TCERG1L: variants seen among roughly 807,000 people sequenced by gnomAD.
TCERG1L encodes the protein transcription elongation regulator 1 like.
TCERG1L carries 37 observed loss-of-function variants against 56.3 expected under a neutral mutation model. The ratio of observed to expected loss-of-function variants is 0.66; its 90% CI spans 0.51 to 0.87. TCERG1L has a LOEUF of 0.87. TCERG1L is among the 40% of genes least tolerant of loss of function. The pLI is 0.00. For synonymous variants in TCERG1L, 324 were observed against 326.3 expected, an observed-to-expected ratio of 0.99 and a Z score of 0.08; for missense variants, 799 against 774.2, an observed-to-expected ratio of 1.03 and a Z score of -0.38.
intron 4 of TCERG1L, among the ~76,000 whole-genome samples, chr10:131,204,767 C>T (rs1406594081): frequency 6.6e-6 from 1 of 152,250 alleles, no homozygotes; most frequent in Non-Finnish European, 1.5e-5. Flanking sequence ...GTGGACTTGT[C>T]CCTCAGCCCC....
At chr10:131,252,007 C>T (rs1002166335) in intron 4 of TCERG1L, among the ~76,000 whole-genome samples, 3 of 152,190 alleles carry the variant, frequency 2.0e-5, no homozygotes, top group Admixed American at 6.5e-5. Context: ...TGGGGGACCT[C>T]GGATAAGTGG....
Position 131,137,249 on chromosome 10 carries a change from C to T in TCERG1L, c.1190-2801G>A, listed in dbSNP as rs560578084. Among the ~76,000 whole-genome samples, 9 of 152,048 alleles carry T rather than the reference C, an allele frequency of 5.9e-5. No individual in the cohort carries two copies. In the East Asian group the frequency reaches 7.7e-4, roughly 13 times the overall value. ...CCCTCTAAGGAAGTGCAGTACTCCTCGGCTGTGCCCCTGAGTCCTCTCCCG... is the reference window on the plus strand; with the variant it reads ...CCCTCTAAGGAAGTGCAGTACTCCTTGGCTGTGCCCCTGAGTCCTCTCCCG... On this transcript the variant is annotated intron_variant, in intron 7 of 11. Coordinates refer to ENST00000368642, the MANE Select transcript of TCERG1L (RefSeq NM_174937.4).
At chr10:131,101,568 T>C (rs1236132435) in intron 10 of TCERG1L, among the ~76,000 whole-genome samples, 2 of 152,066 alleles carry the variant, frequency 1.3e-5, no homozygotes, top group African/African-American at 4.8e-5. Context: ...ACAGCACACA[T>C]GCCACACACG....
At chr10:131,250,914 A>T (rs1846103424) in intron 4 of TCERG1L, among the ~76,000 whole-genome samples, 1 of 152,094 alleles carries the variant, frequency 6.6e-6, no homozygotes, top group African/African-American at 2.4e-5. Context: ...AGGACGTGCC[A>T]GACACATAAA....
chr10:131,281,356 A>G (rs953175517), intron 3 of TCERG1L, among the ~76,000 whole-genome samples: 1 of 152,252 alleles, frequency 6.6e-6, no homozygotes, highest in Non-Finnish European at 1.5e-5. Context: ...CAGATCACCA[A>G]TGCACATGGA....
intron 5 of TCERG1L, 86 bp downstream of exon 5, chr10:131,166,711 G>A (rs984739726): frequency 4.5e-6 from 6 of 1,341,398 alleles, no homozygotes; most frequent in Non-Finnish European, 6.3e-6. Context: ...ACACCATACA[G>A]CAAACAAGCG....
intron 6 of TCERG1L, among the ~76,000 whole-genome samples, chr10:131,154,366 C>T (rs1036404083): frequency 1.2e-4 from 19 of 152,194 alleles, no homozygotes; most frequent in African/African-American, 4.6e-4. Flanking sequence ...GAATGCTCCC[C>T]TCCCAGTCCC....
intron 3 of TCERG1L, among the ~76,000 whole-genome samples, chr10:131,276,730 G>A (rs1049779723): frequency 3.9e-5 from 6 of 152,182 alleles, no homozygotes; most frequent in Non-Finnish European, 7.3e-5. Context: ...ACCTGCCAGG[G>A]TGGGTTCTGT....
chr10:131,200,626 A>G (rs1845421568), intron 4 of TCERG1L, among the ~76,000 whole-genome samples: 1 of 152,176 alleles, frequency 6.6e-6, no homozygotes, highest in African/African-American at 2.4e-5. Context: ...CTCGGAATAA[A>G]TCACACTTTG....
At chr10:131,206,936 C>G (rs1182693680) in intron 4 of TCERG1L, among the ~76,000 whole-genome samples, 1 of 152,152 alleles carries the variant, frequency 6.6e-6, no homozygotes, top group African/African-American at 2.4e-5. Flanking sequence ...GCCAGGGAAG[C>G]AAATGGTCTT....
At chr10:131,210,943 T>A (rs1012491432) in intron 4 of TCERG1L, among the ~76,000 whole-genome samples, 1 of 152,194 alleles carries the variant, frequency 6.6e-6, no homozygotes. Context: ...TTTCCTCCAA[T>A]GAAGATTTAC....
At chr10:131,191,885 A>AG (rs1342366575) in intron 4 of TCERG1L, among the ~76,000 whole-genome samples, 17 of 137,612 alleles carry the variant, frequency 1.2e-4, no homozygotes, top group African/African-American at 4.1e-4. Context: ...AAAAAAAAAA[A>AG]AAAAGAAAAA....
intron 9 of TCERG1L, among the ~76,000 whole-genome samples, chr10:131,110,176 C>T (rs1391431433): frequency 3.3e-5 from 5 of 152,138 alleles, no homozygotes; most frequent in African/African-American, 9.7e-5. Context: ...GTGACAAGGA[C>T]GTGGTCTGGA....
rs891842983 is a variant in TCERG1L, at chr10:131,311,458, G to C, written c.178C>G (p.Pro60Ala). 1 of 1,181,482 alleles carries C rather than the reference G, an allele frequency of 8.5e-7. No homozygotes were observed. The highest frequency in any genetic ancestry group is 1.6e-5 in the African/African-American group (1 of 61,928). The allele number at this position is 1,181,482 out of a possible 1,614,324, so 73.2% of individuals were successfully genotyped here. The change falls in exon 1 of 12, where the codon CCG (proline) becomes GCG (alanine). Residue 60 changes from proline to alanine, a missense_variant. By Grantham distance (27) the Pro-to-Ala change is conservative. Transcript: ENST00000368642. The surrounding 1 kb of genome is among the most constrained non-coding windows in gnomAD (Gnocchi z 4.0). ...LRLSAGVVVP[P>A]VLLASAPPPA... ...GGCGGGGCCGAGGCGAGCAGCACCG[G>C]GGGAACCACGACCCCCGCGCTGAGC...
intron 6 of TCERG1L, among the ~76,000 whole-genome samples, chr10:131,158,752 G>A (rs1845947210): frequency 6.6e-6 from 1 of 152,202 alleles, no homozygotes; most frequent in Non-Finnish European, 1.5e-5. Flanking sequence ...CCTGGCTGAG[G>A]GCGGCCTGGT....
At chr10:131,227,332 A>G (rs1243930325) in intron 4 of TCERG1L, among the ~76,000 whole-genome samples, 1 of 152,190 alleles carries the variant, frequency 6.6e-6, no homozygotes, top group Non-Finnish European at 1.5e-5. Context: ...GAGCTGGCCA[A>G]TTAGAAGAGT....
intron 3 of TCERG1L, among the ~76,000 whole-genome samples, chr10:131,272,225 T>A (rs970694545): frequency 6.6e-5 from 10 of 152,158 alleles, no homozygotes; most frequent in African/African-American, 2.4e-4. Flanking sequence ...AGGAAATCCA[T>A]CAGGAATTAA....
At chr10:131,139,258 G>A (rs904923153) in intron 7 of TCERG1L, among the ~76,000 whole-genome samples, 2 of 152,202 alleles carry the variant, frequency 1.3e-5, no homozygotes, top group African/African-American at 4.8e-5. Context: ...TTACACAATC[G>A]ATATGTTTGC....
At chr10:131,192,282 T>C (rs139223178) in intron 4 of TCERG1L, among the ~76,000 whole-genome samples, 3 of 144,310 alleles carry the variant, frequency 2.1e-5, no homozygotes, top group East Asian at 3.9e-4. Flanking sequence ...ATGCTTAACA[T>C]AGTTAATCAT....
Sources: allele counts gnomAD v4.1 joint callset (sites outside exome capture counted in the v4.1 genomes callset), GRCh38; gene constraint gnomAD v4.1.1; non-coding constraint Gnocchi (gnomAD v3.1); transcripts MANE v1.5; gene names NCBI Gene and HGNC (gene_info 2026-07-23, HGNC 2026-07-21).